GREM1: variants seen among roughly 807,000 people sequenced by gnomAD.
GREM1 encodes the protein gremlin-1.
GREM1 carries 6 observed loss-of-function variants against 13.1 expected under a neutral mutation model. That is an observed-to-expected ratio of 0.46 (90% CI 0.25 to 0.91). GREM1 has a LOEUF of 0.91. GREM1 is among the 40% of genes least tolerant of loss of function. The pLI, the probability that GREM1 is intolerant of heterozygous loss-of-function variation, is 0.18. For missense variants in GREM1, 185 were observed against 233.9 expected, an observed-to-expected ratio of 0.79 and a Z score of 1.36; for synonymous variants, 98 against 93.7, an observed-to-expected ratio of 1.05 and a Z score of -0.27.
rs552132184 is a variant in GREM1 at position 32,744,091 on chromosome 15, A to C, written c.*12846A>C. On this transcript the variant is annotated 3_prime_UTR_variant, in exon 2 of 2. Coordinates refer to ENST00000651154, the MANE Select transcript of GREM1 (RefSeq NM_013372.7). ...AGAGCAAGTCACTAAATTTGCCCAC[A>C]TCTAAGATGAGGGTATTTGGGCTTC... 2.0e-5 allele frequency: 3 copies of C among 152,276 alleles called. No individual in the cohort carries two copies. The highest frequency in any genetic ancestry group is 7.2e-5 in the African/African-American group (3 of 41,550). 9.4% of individuals were successfully genotyped at this position (152,276 alleles called of 1,614,324 possible).
intron 1 of GREM1, among the ~76,000 whole-genome samples, chr15:32,722,324 T>A (rs1395784620): frequency 6.6e-6 from 1 of 152,232 alleles, no homozygotes; most frequent in East Asian, 1.9e-4. Flanking sequence ...ATGTCATGCC[T>A]ATTGAATGTC....
intron 1 of GREM1, among the ~76,000 whole-genome samples, chr15:32,729,511 T>C (rs1041285308): frequency 1.3e-5 from 2 of 152,166 alleles, no homozygotes; most frequent in African/African-American, 4.8e-5. Context: ...TGTAGAAGAG[T>C]TCCCCTTTCT....
chr15:32,723,221 GTGC>G lies in GREM1; in HGVS notation c.-2+5061_-2+5063del. ...CCTCTACATCTCTGATATTTACAAA[GTGC>G]ACATTATTTGGTGATACTACAACTG... On this transcript the variant is annotated intron_variant, in intron 1 of 1. Coordinates refer to ENST00000651154, the MANE Select transcript of GREM1 (RefSeq NM_013372.7). Among the ~76,000 whole-genome samples the G allele has an allele frequency of 1.3e-5, 2 of 152,146 alleles. 1 individual carries two copies. Among genetic ancestry groups the G allele is most frequent in the South Asian group, 4.1e-4 (2 of 4,826 alleles).
chr15:32,734,661 C>T lies in GREM1; in HGVS notation c.*3416C>T. 1 of 238,604 alleles carries T rather than the reference C, an allele frequency of 4.2e-6. No homozygotes were observed. The highest frequency in any genetic ancestry group is 6.3e-5 in the East Asian group (1 of 15,832). 14.8% of individuals were successfully genotyped at this position (238,604 alleles called of 1,614,324 possible). ...GAGCAACTAATAAATTAAACCTATT[C>T]TTTCTGTGTGTGTGAGCGTGCGTTT... is the stretch of plus-strand genomic sequence containing the variant. On this transcript the variant is annotated 3_prime_UTR_variant, in exon 2 of 2. Transcript: ENST00000651154.
intron 1 of GREM1, among the ~76,000 whole-genome samples, chr15:32,720,336 A>T (rs879461788): frequency 6.6e-6 from 1 of 152,206 alleles, no homozygotes; most frequent in Non-Finnish European, 1.5e-5. Flanking sequence ...TGTCTTTGAA[A>T]CTAAGCCGAA....
intron 1 of GREM1, among the ~76,000 whole-genome samples, chr15:32,721,665 A>T (rs1282556526): frequency 6.6e-6 from 1 of 152,056 alleles, no homozygotes; most frequent in Non-Finnish European, 1.5e-5. Context: ...GAGGCAGGAG[A>T]ATCACTTGAG....
rs1202061441 is a variant in GREM1, at chr15:32,743,459, A to G, written c.*12214A>G. 6.6e-6 allele frequency: 1 copy of G among 152,240 alleles called. No homozygotes were observed. Among genetic ancestry groups the G allele is most frequent in the African/African-American group, 2.4e-5 (1 of 41,456 alleles). The allele number at this position is 152,240 out of a possible 1,614,324, so 9.4% of individuals were successfully genotyped here. A position where few individuals can be genotyped will look rare whatever the true frequency, so the allele number is the denominator to read the frequency against. ...TTTTGAAGTATCCTATAGTACTTAT[A>G]TATTGCTTGGTAACAAATTATGCCA... On this transcript the variant is annotated 3_prime_UTR_variant, in exon 2 of 2. Coordinates refer to ENST00000651154, the MANE Select transcript of GREM1 (RefSeq NM_013372.7).
chr15:32,733,756 A>G lies in GREM1; in HGVS notation c.*2511A>G, dbSNP rs2055660143. On this transcript the variant is annotated 3_prime_UTR_variant, in exon 2 of 2. Transcript: ENST00000651154. ...TATAGTAGAATATTTTTATGGCAAG[A>G]TATTTGTGGTCTTGATCATACCTAT... 2 of 234,156 alleles carry G rather than the reference A, an allele frequency of 8.5e-6. No homozygotes were observed. Among genetic ancestry groups the G allele is most frequent in the African/African-American group, 2.2e-5 (1 of 44,594 alleles). The allele number at this position is 234,156 out of a possible 1,614,324, so 14.5% of individuals were successfully genotyped here.
In GREM1 at chr15:32,732,483, G is replaced by A. The variant is rs1024614380; in HGVS notation, c.*1238G>A. ...GTTTTAACTATTGTCAGGAGATTGG[G>A]CTAAAGAGAAGACGACGAGAGTAAG... On this transcript the variant is annotated 3_prime_UTR_variant, in exon 2 of 2. Coordinates refer to ENST00000651154, the MANE Select transcript of GREM1 (RefSeq NM_013372.7). 4.1e-6 allele frequency: 1 copy of A among 245,288 alleles called. No homozygotes were observed. Among genetic ancestry groups the A allele is most frequent in the African/African-American group, 2.2e-5 (1 of 45,210 alleles). 15.2% of individuals were successfully genotyped at this position (245,288 alleles called of 1,614,324 possible). A position where few individuals can be genotyped will look rare whatever the true frequency, so the allele number is the denominator to read the frequency against.
At chr15:32,728,593 A>G (rs1189421086) in intron 1 of GREM1, among the ~76,000 whole-genome samples, 3 of 152,192 alleles carry the variant, frequency 2.0e-5, no homozygotes, top group Admixed American at 2.0e-4. Flanking sequence ...TAGATCCTAC[A>G]CTGCCTTTGC....
intron 1 of GREM1, among the ~76,000 whole-genome samples, chr15:32,724,912 G>C (rs2055474139): frequency 6.6e-6 from 1 of 151,860 alleles, no homozygotes; most frequent in South Asian, 2.1e-4. Flanking sequence ...TCCTGTGTTA[G>C]TTTGCTGAGA....
intron 1 of GREM1, among the ~76,000 whole-genome samples, chr15:32,725,129 A>C (rs2055479035): frequency 2.0e-5 from 3 of 152,302 alleles, no homozygotes; most frequent in Non-Finnish European, 4.4e-5. Context: ...AGAATGATTT[A>C]TAATCCTTTA....
Position 32,744,680 on chromosome 15 carries a change from G to T in GREM1, c.*13435G>T, listed in dbSNP as rs1207284393. On this transcript the variant is annotated 3_prime_UTR_variant, in exon 2 of 2. Coordinates refer to ENST00000651154, the MANE Select transcript of GREM1 (RefSeq NM_013372.7). The stretch of plus-strand genomic sequence containing the variant: ...CAAGCAAAACAATGTTACTCTCTTT[G>T]TACATTGTACAGATGCAGGATAACA... The T allele has an allele frequency of 6.7e-6, 1 of 150,202 alleles. No homozygotes were observed. Among genetic ancestry groups the T allele is most frequent in the Non-Finnish European group, 1.5e-5 (1 of 67,650 alleles). The allele number at this position is 150,202 out of a possible 1,614,324, so 9.3% of individuals were successfully genotyped here. A position where few individuals can be genotyped will look rare whatever the true frequency, so the allele number is the denominator to read the frequency against.
intron 1 of GREM1, among the ~76,000 whole-genome samples, chr15:32,722,121 C>G (rs532427772): frequency 1.1e-4 from 16 of 152,328 alleles, no homozygotes; most frequent in Non-Finnish European, 1.9e-4. Context: ...TTCTTATCTC[C>G]TTGGTGCAAC....
chr15:32,723,625 TTAAAAA>T (rs2055449672), intron 1 of GREM1, among the ~76,000 whole-genome samples: 1 of 31,374 alleles, frequency 3.2e-5, no homozygotes, highest in African/African-American at 7.5e-5. Flanking sequence ...GTACTTTTCT[TTAAAAA>T]AAAAAAAAAA....
At chr15:32,722,689 A>G (rs986757054) in intron 1 of GREM1, among the ~76,000 whole-genome samples, 1 of 152,204 alleles carries the variant, frequency 6.6e-6, no homozygotes, top group African/African-American at 2.4e-5. Context: ...TTGATCCCTA[A>G]GGGAAACTGG....
chr15:32,724,439 G>A (rs543521737), intron 1 of GREM1, among the ~76,000 whole-genome samples: 1 of 152,298 alleles, frequency 6.6e-6, no homozygotes, highest in Admixed American at 6.5e-5. Context: ...CTCTGAAATG[G>A]GGAGCAACTG....
chr15:32,722,280 C>T (rs1419370246), intron 1 of GREM1, among the ~76,000 whole-genome samples: 1 of 152,234 alleles, frequency 6.6e-6, no homozygotes, highest in Non-Finnish European at 1.5e-5. Context: ...TTTGTAGTCA[C>T]TTCCACTATT....
At position 32,735,529 on chromosome 15, in the gene GREM1, T is replaced by C. The variant is rs1169367313; in HGVS notation, c.*4284T>C. 1.3e-5 allele frequency: 2 copies of C among 152,206 alleles called. No individual in the cohort carries two copies. The highest frequency in any genetic ancestry group is 2.9e-5 in the Non-Finnish European group (2 of 68,044). The allele number at this position is 152,206 out of a possible 1,614,324, so 9.4% of individuals were successfully genotyped here. Reference sequence around the variant, plus strand: ...CTAAAAATAGATCTAACTAGATTGTTCACATCTAGCGATTAAGGCCACCCT... The same window carrying C: ...CTAAAAATAGATCTAACTAGATTGTCCACATCTAGCGATTAAGGCCACCCT... On this transcript the variant is annotated 3_prime_UTR_variant, in exon 2 of 2. Coordinates refer to ENST00000651154, the MANE Select transcript of GREM1 (RefSeq NM_013372.7).
Sources: gnomAD v4.1 joint callset for allele counts (sites outside exome capture counted in the v4.1 genomes callset) on GRCh38, gnomAD v4.1.1 for gene constraint, MANE v1.5 for transcripts, NCBI Gene and HGNC (gene_info 2026-07-23, HGNC 2026-07-21) for gene names.